GABBR2: variants seen among roughly 807,000 people sequenced by gnomAD.
The protein encoded by GABBR2 is G-protein coupled receptor 51.
In GABBR2, 23 loss-of-function variants were observed where a neutral mutation model predicts 105.6. The ratio of observed to expected loss-of-function variants is 0.22; its 90% confidence interval spans 0.16 to 0.31. The LOEUF (loss-of-function observed/expected upper bound fraction) is 0.31. Ranked by LOEUF, GABBR2 falls within the 10% of genes least tolerant of loss-of-function variation. GABBR2 has a pLI of 1.00. For synonymous variants in GABBR2, 478 were observed against 499.7 expected, an observed-to-expected ratio of 0.96 and a Z score of 0.58; for missense variants, 734 against 1,245.5, an observed-to-expected ratio of 0.59 and a Z score of 6.18.
intron 1 of GABBR2, among the ~76,000 whole-genome samples, chr9:98,669,846 C>T (rs1830384916): frequency 6.6e-6 from 1 of 152,022 alleles, no homozygotes; most frequent in Non-Finnish European, 1.5e-5. Flanking sequence ...AAACCAGAAG[C>T]ACACATCATG....
At chr9:98,495,435 G>T (rs980900159) in intron 4 of GABBR2, among the ~76,000 whole-genome samples, 6 of 152,218 alleles carry the variant, frequency 3.9e-5, no homozygotes, top group Non-Finnish European at 7.3e-5. Flanking sequence ...GGAGGAGAGG[G>T]AAAGAGGAAT....
chr9:98,609,330 C>T (rs1448431902), intron 1 of GABBR2, among the ~76,000 whole-genome samples: 1 of 152,156 alleles, frequency 6.6e-6, no homozygotes, highest in Non-Finnish European at 1.5e-5. Flanking sequence ...TTGCAGTTGG[C>T]ATTTCCCAAG....
chr9:98,560,420 TACACATAC>T (rs1161115155), intron 2 of GABBR2, among the ~76,000 whole-genome samples: 2 of 97,788 alleles, frequency 2.0e-5, no homozygotes, highest in South Asian at 3.6e-4. Context: ...CACACACATA[TACACATAC>T]ACACACACAC....
chr9:98,290,625 G>T lies in GABBR2; in HGVS notation c.2785C>A (p.His929Asn). The change falls in exon 19 of 19, where the codon CAT becomes AAT. Residue 929 changes from histidine to asparagine, a missense_variant. His to Asn is a moderately conservative substitution (Grantham distance 68). Transcript: ENST00000259455. Reference sequence around the variant, plus strand: ...ATGACTCGGAAGGAGGGTGGCACATGTCTGTGGCGGGGGCTGGCGGTGGGG... The same window carrying T: ...ATGACTCGGAAGGAGGGTGGCACATTTCTGTGGCGGGGGCTGGCGGTGGGG... Reference protein sequence around the residue: ...VSPTASPRHRHVPPSFRVMVS... With the variant: ...VSPTASPRHRNVPPSFRVMVS... 1 of 1,447,004 alleles carries T rather than the reference G, an allele frequency of 6.9e-7. No individual in the cohort carries two copies. The highest frequency in any genetic ancestry group is 9.1e-7 in the Non-Finnish European group (1 of 1,103,874). The allele number at this position is 1,447,004 out of a possible 1,614,324, so 89.6% of individuals were successfully genotyped here. A position where few individuals can be genotyped will look rare whatever the true frequency, so the allele number is the denominator to read the frequency against.
rs374282318 is a variant in GABBR2, at chr9:98,672,751, A to G, written c.321+35666T>C. The stretch of plus-strand genomic sequence containing the variant: ...ATTAAATTATCTGCTGATGGGAACT[A>G]GACAGTTTATCTTTAAAGTCTGTCC... On this transcript the variant is annotated intron_variant, in intron 1 of 18. Transcript: ENST00000259455. Among the ~76,000 whole-genome samples, 41 of 152,340 alleles carry G rather than the reference A, an allele frequency of 2.7e-4. 2 individuals are homozygous for G. In the South Asian group the frequency reaches 8.3e-3, roughly 31 times the overall value.
Position 98,708,791 on chromosome 9 carries a change from G to T in GABBR2, c.-54C>A. 1 of 966,038 alleles carries T rather than the reference G, an allele frequency of 1.0e-6. No homozygotes were observed. Among genetic ancestry groups the T allele is most frequent in the Non-Finnish European group, 1.2e-6 (1 of 814,382 alleles). The allele number at this position is 966,038 out of a possible 1,614,324, so 59.8% of individuals were successfully genotyped here. A position where few individuals can be genotyped will look rare whatever the true frequency, so the allele number is the denominator to read the frequency against. ...CACTCGGCCCGCATGGCCTGGCCCG[G>T]CCCGCCGCCCCGCGCCAAGGTCTTC... is the stretch of plus-strand genomic sequence containing the variant. On this transcript the variant is annotated 5_prime_UTR_variant, in exon 1 of 19. Coordinates refer to ENST00000259455, the MANE Select transcript of GABBR2 (RefSeq NM_005458.8).
At chr9:98,430,793 C>T (rs910125604) in intron 7 of GABBR2, among the ~76,000 whole-genome samples, 1 of 152,082 alleles carries the variant, frequency 6.6e-6, no homozygotes, top group Non-Finnish European at 1.5e-5. Context: ...TTGGGTTCCC[C>T]CTTCCTGTGC....
At chr9:98,432,983 G>T (rs1825839564) in intron 7 of GABBR2, among the ~76,000 whole-genome samples, 1 of 152,206 alleles carries the variant, frequency 6.6e-6, no homozygotes, top group African/African-American at 2.4e-5. Context: ...GGAGAAATGG[G>T]ACGTGTTTCC....
At chr9:98,301,899 A>T (rs1393924092) in intron 16 of GABBR2, among the ~76,000 whole-genome samples, 2 of 152,192 alleles carry the variant, frequency 1.3e-5, no homozygotes, top group Non-Finnish European at 2.9e-5. Context: ...AGGTGCACAG[A>T]CAACTGTATG....
At chr9:98,440,037 G>A (rs1336423916) in intron 7 of GABBR2, among the ~76,000 whole-genome samples, 1 of 152,092 alleles carries the variant, frequency 6.6e-6, no homozygotes, top group East Asian at 1.9e-4. Flanking sequence ...CTTCCTTACT[G>A]CGAATTACCC....
intron 3 of GABBR2, among the ~76,000 whole-genome samples, chr9:98,515,113 C>G (rs1827732637): frequency 6.6e-6 from 1 of 152,152 alleles, no homozygotes; most frequent in African/African-American, 2.4e-5. Context: ...AGCTCCCCGC[C>G]ATGACAGGTG....
chr9:98,344,586 A>T (rs767097818), intron 13 of GABBR2, among the ~76,000 whole-genome samples: 3 of 151,998 alleles, frequency 2.0e-5, no homozygotes, highest in Non-Finnish European at 4.4e-5. Context: ...TCCATTTGTG[A>T]ATGGCTCTCT....
chr9:98,547,495 A>C (rs1429643715), intron 2 of GABBR2, among the ~76,000 whole-genome samples: 1 of 118,086 alleles, frequency 8.5e-6, no homozygotes, highest in African/African-American at 2.7e-5. Flanking sequence ...TTGTCTCCTC[A>C]TTCTCTAAAT....
intron 5 of GABBR2, among the ~76,000 whole-genome samples, chr9:98,477,347 C>A (rs1826814048): frequency 6.6e-6 from 1 of 152,224 alleles, no homozygotes; most frequent in Non-Finnish European, 1.5e-5. Flanking sequence ...TCCAGCAATC[C>A]TCCCACCTCA....
intron 13 of GABBR2, among the ~76,000 whole-genome samples, chr9:98,334,539 TGA>T (rs1346676771): frequency 6.6e-6 from 1 of 152,066 alleles, no homozygotes; most frequent in East Asian, 1.9e-4. Flanking sequence ...TGTTGAAATG[TGA>T]GACACTGTTG....
intron 13 of GABBR2, among the ~76,000 whole-genome samples, chr9:98,357,465 T>A (rs1050852376): frequency 6.6e-6 from 1 of 152,084 alleles, no homozygotes; most frequent in Admixed American, 6.5e-5. Context: ...CTAGACAACA[T>A]GAGGAAACTC....
chr9:98,363,528 C>T (rs1831624435), intron 12 of GABBR2, among the ~76,000 whole-genome samples: 1 of 152,084 alleles, frequency 6.6e-6, no homozygotes, highest in Admixed American at 6.6e-5. Flanking sequence ...CTGTTTTCTC[C>T]AGAATTCACA....
intron 13 of GABBR2, among the ~76,000 whole-genome samples, chr9:98,330,148 T>C (rs1390688128): frequency 1.3e-5 from 2 of 152,178 alleles, no homozygotes; most frequent in African/African-American, 4.8e-5. Context: ...ATCGGCAAGC[T>C]GCCAGACCCA....
chr9:98,703,549 G>A (rs1337981772), intron 1 of GABBR2, among the ~76,000 whole-genome samples: 1 of 152,114 alleles, frequency 6.6e-6, no homozygotes. Context: ...CTAGAGTGCA[G>A]CAGCACAATC....
Sources: allele counts gnomAD v4.1 joint callset (sites outside exome capture counted in the v4.1 genomes callset), GRCh38; gene constraint gnomAD v4.1.1; transcripts MANE v1.5; gene names NCBI Gene and HGNC (gene_info 2026-07-23, HGNC 2026-07-21).